Variants in FBXL13 observed in about 807,000 individuals in gnomAD.
FBXL13 encodes the protein F-box and leucine rich repeat protein 13.
A neutral mutation model predicts 83.6 loss-of-function variants in FBXL13; 67 were observed. The ratio of observed to expected loss-of-function variants is 0.80; its 90% CI spans 0.66 to 0.98. The LOEUF (loss-of-function observed/expected upper bound fraction) is 0.98. Among genes scored for constraint, FBXL13 ranks in the 50% least tolerant of loss-of-function variants. FBXL13 has a pLI of 0.00. For synonymous variants in FBXL13, 272 were observed against 299.5 expected, an observed-to-expected ratio of 0.91 and a Z score of 0.95; for missense variants, 822 against 866.5, an observed-to-expected ratio of 0.95 and a Z score of 0.64.
intron 8 of FBXL13, among the ~76,000 whole-genome samples, chr7:102,953,044 G>A (rs189657573): frequency 6.6e-5 from 10 of 152,074 alleles, no homozygotes; most frequent in Admixed American, 6.6e-4. Flanking sequence ...AGGACCAGAT[G>A]GCTTCATGGG....
chr7:102,867,752 G>A (rs1807959200), intron 16 of FBXL13, among the ~76,000 whole-genome samples: 1 of 137,406 alleles, frequency 7.3e-6, no homozygotes, highest in Non-Finnish European at 1.5e-5. Flanking sequence ...GCCCAGGCTG[G>A]AGTGCAGTGG....
At chr7:102,916,868 C>A (rs921810360) in intron 10 of FBXL13, among the ~76,000 whole-genome samples, 1 of 151,702 alleles carries the variant, frequency 6.6e-6, no homozygotes, top group African/African-American at 2.4e-5. Flanking sequence ...AGAGAAATTA[C>A]AATTCTTATA....
At chr7:102,882,687 G>A (rs1810262656) in intron 14 of FBXL13, among the ~76,000 whole-genome samples, 1 of 152,080 alleles carries the variant, frequency 6.6e-6, no homozygotes, top group African/African-American at 2.4e-5. Context: ...ACTTGAGCAT[G>A]GGAGGCAGAG....
At chr7:102,926,368 A>T in exon 10 of FBXL13, 1 of 1,612,814 alleles carries the variant, frequency 6.2e-7, no homozygotes, top group Non-Finnish European at 8.5e-7. Context: ...TGTCTCATTG[A>T]TTCATCCTGC....
chr7:102,884,679 C>T (rs866710540), intron 11 of FBXL13, among the ~76,000 whole-genome samples: 5 of 152,130 alleles, frequency 3.3e-5, no homozygotes, highest in South Asian at 4.2e-4. Context: ...AAAAATTAAC[C>T]ACTTACATAA....
intron 7 of FBXL13, among the ~76,000 whole-genome samples, chr7:102,965,414 A>T (rs1825869147): frequency 6.6e-6 from 1 of 152,210 alleles, no homozygotes; most frequent in Non-Finnish European, 1.5e-5. Context: ...TTAGTGTAGC[A>T]TCTGGCATAT....
intron 6 of FBXL13, among the ~76,000 whole-genome samples, chr7:102,996,908 A>G (rs67993916): frequency 0.15 from 22,204 of 152,228 alleles, 1,798 homozygotes; most frequent in African/African-American, 0.21. Flanking sequence ...ATTGTGTAAT[A>G]TGAAACAAAT....
intron 19 of FBXL13, among the ~76,000 whole-genome samples, chr7:102,819,852 G>A (rs931035406): frequency 6.6e-5 from 10 of 152,134 alleles, no homozygotes; most frequent in African/African-American, 7.2e-5. Flanking sequence ...TACATACACT[G>A]TGCATTTCCA....
intron 8 of FBXL13, among the ~76,000 whole-genome samples, chr7:102,958,183 T>C (rs1219114388): frequency 6.6e-6 from 1 of 152,138 alleles, no homozygotes; most frequent in African/African-American, 2.4e-5. Flanking sequence ...GTGGCACATA[T>C]ACACCATGGA....
Position 102,854,776 on chromosome 7 carries a change from C to A in FBXL13, c.1719+1G>T. 6.5e-7 allele frequency: 1 copy of A among 1,549,638 alleles called. No individual in the cohort carries two copies. Among genetic ancestry groups the A allele is most frequent in the Non-Finnish European group, 8.8e-7 (1 of 1,138,358 alleles). ...TTAACAGATGATCTTAATGATCTTA[C>A]CTGAATTCCATCATCAGTGATTCTA... is the stretch of plus-strand genomic sequence containing the variant. On this transcript the variant is annotated splice_donor_variant, in intron 17 of 19. Coordinates refer to ENST00000313221, the Ensembl canonical transcript of FBXL13. LOFTEE classifies it high-confidence loss of function.
At chr7:103,008,568 T>A (rs116467521) in intron 6 of FBXL13, among the ~76,000 whole-genome samples, 1,677 of 152,334 alleles carry the variant, frequency 0.011, 35 homozygotes, top group African/African-American at 0.039. Context: ...ACTTTTTTTT[T>A]CTTTTGTGAG....
At chr7:102,858,444 C>T (rs117926343) in intron 16 of FBXL13, among the ~76,000 whole-genome samples, 4,374 of 152,114 alleles carry the variant, frequency 0.029, 90 homozygotes, top group Non-Finnish European at 0.037. Context: ...CTTTAGTGCT[C>T]ACAACACAAA....
intron 8 of FBXL13, among the ~76,000 whole-genome samples, chr7:102,940,036 G>T (rs1404434672): frequency 6.8e-6 from 1 of 147,130 alleles, no homozygotes; most frequent in Non-Finnish European, 1.5e-5. Context: ...CTGGGATTAT[G>T]GGCATGTGCC....
chr7:102,923,136 T>C (rs2129471215), intron 10 of FBXL13, among the ~76,000 whole-genome samples: 2 of 152,302 alleles, frequency 1.3e-5, no homozygotes, highest in South Asian at 4.1e-4. Context: ...ATGCCTTCTT[T>C]CCTAAATCAA....
intron 8 of FBXL13, among the ~76,000 whole-genome samples, chr7:102,945,582 T>C (rs1822333556): frequency 6.6e-6 from 1 of 152,110 alleles, no homozygotes; most frequent in East Asian, 1.9e-4. Context: ...TGAGCTCACC[T>C]AGAGAACTAG....
chr7:102,995,398 G>A (rs1829995201), intron 6 of FBXL13, among the ~76,000 whole-genome samples: 1 of 147,602 alleles, frequency 6.8e-6, no homozygotes, highest in Non-Finnish European at 1.5e-5. Flanking sequence ...GGAGAATGGC[G>A]TGAACTCGGG....
chr7:102,986,058 A>G (rs142976375), intron 6 of FBXL13, among the ~76,000 whole-genome samples: 1 of 149,460 alleles, frequency 6.7e-6, no homozygotes, highest in African/African-American at 2.5e-5. Context: ...ACATCATAGC[A>G]CTTTCCAAAT....
intron 16 of FBXL13, among the ~76,000 whole-genome samples, chr7:102,868,617 G>T (rs1335679157): frequency 6.6e-6 from 1 of 152,178 alleles, no homozygotes; most frequent in African/African-American, 2.4e-5. Context: ...CGGGAGTACA[G>T]ATATCTCTTT....
chr7:103,011,326 C>T (rs969491590), intron 6 of FBXL13, among the ~76,000 whole-genome samples: 29 of 152,158 alleles, frequency 1.9e-4, no homozygotes, highest in Admixed American at 9.2e-4. Context: ...AGGTGGTAGA[C>T]CAAATGGCCA....
Sources: gnomAD v4.1 joint callset for allele counts (sites outside exome capture counted in the v4.1 genomes callset) on GRCh38, gnomAD v4.1.1 for gene constraint, MANE v1.5 for transcripts, NCBI Gene and HGNC (gene_info 2026-07-23, HGNC 2026-07-21) for gene names.